The following LPP variants were observed in gnomAD, a reference collection of about 807,000 sequenced individuals.
The protein encoded by LPP is LIM domain containing preferred translocation partner in lipoma.
LPP carries 38 observed loss-of-function variants against 60.4 expected under a neutral mutation model. The observed-to-expected ratio is 0.63, with a 90% CI of 0.49 to 0.83. The LOEUF (loss-of-function observed/expected upper bound fraction) is 0.83, where lower values mean the gene tolerates loss of function less well. Ranked by LOEUF, LPP falls within the 40% of genes least tolerant of loss-of-function variation. The probability of loss-of-function intolerance (pLI) is 0.00; values close to 1 mark genes in which losing one functional copy is unlikely to be tolerated. For synonymous variants in LPP, 328 were observed against 290.8 expected (o/e 1.13, Z -1.30); for missense variants, 902 against 783.6 (o/e 1.15, Z -1.80).
chr3:188,622,487 T>C (rs1845982443), intron 7 of LPP, among the ~76,000 whole-genome samples: 1 of 152,196 alleles, frequency 6.6e-6, no homozygotes, highest in Admixed American at 6.5e-5. Context: ...ATTAGTTTCA[T>C]AGTAATTTCT....
At position 188,594,243 on chromosome 3, in the gene LPP, G is replaced by T. The variant is rs555465838; in HGVS notation, c.430-14918G>T. ...TTCAGCTGCCCATGTAAAGTATAAAGAATTATTTTTACCCAGAATCTTGAA... is the reference window on the plus strand; with the variant it reads ...TTCAGCTGCCCATGTAAAGTATAAATAATTATTTTTACCCAGAATCTTGAA... On this transcript the variant is annotated intron_variant, in intron 6 of 11. Coordinates refer to ENST00000617246, the MANE Select transcript of LPP (RefSeq NM_001375462.1). Among the ~76,000 whole-genome samples the T allele has an allele frequency of 5.9e-5, 9 of 152,238 alleles. No homozygotes were observed. The South Asian group carries it at 1.9e-3, about 32-fold the overall frequency.
chr3:188,800,394 T>C (rs1027525409), intron 9 of LPP, among the ~76,000 whole-genome samples: 33 of 151,882 alleles, frequency 2.2e-4, no homozygotes, highest in South Asian at 6.2e-4. Context: ...TACAGGTGTC[T>C]GCCACCACGC....
chr3:188,858,095 A>G (rs927852084), intron 9 of LPP, among the ~76,000 whole-genome samples: 1 of 152,168 alleles, frequency 6.6e-6, no homozygotes, highest in African/African-American at 2.4e-5. Context: ...AACCCAGATC[A>G]CCTTTTTCCT....
At chr3:188,367,325 TG>T (rs1221704877) in intron 3 of LPP, among the ~76,000 whole-genome samples, 2 of 151,748 alleles carry the variant, frequency 1.3e-5, no homozygotes, top group African/African-American at 4.8e-5. Context: ...CCTTATAGAG[TG>T]GGTTATGGCT....
intron 8 of LPP, among the ~76,000 whole-genome samples, chr3:188,731,923 C>G (rs1294456566): frequency 6.6e-6 from 1 of 151,874 alleles, no homozygotes; most frequent in African/African-American, 2.4e-5. Flanking sequence ...TTTTCATTTA[C>G]AGAGAAATGG....
intron 3 of LPP, among the ~76,000 whole-genome samples, chr3:188,351,147 C>T (rs998014003): frequency 5.9e-5 from 9 of 152,202 alleles, no homozygotes; most frequent in Non-Finnish European, 1.0e-4. Context: ...TCTGAGTTCC[C>T]TGTAGCTCCT....
intron 7 of LPP, among the ~76,000 whole-genome samples, chr3:188,687,253 C>T (rs933632695): frequency 2.6e-5 from 4 of 152,190 alleles, no homozygotes; most frequent in African/African-American, 4.8e-5. Context: ...CTCTCTCCCC[C>T]ACCCTGGTAT....
chr3:188,770,202 G>A (rs192356730), intron 9 of LPP, among the ~76,000 whole-genome samples: 14 of 132,172 alleles, frequency 1.1e-4, no homozygotes, highest in South Asian at 2.4e-4. Context: ...TTTCCGAGAC[G>A]GGGTCTTGCT....
chr3:188,862,128 G>A (rs999889147), intron 9 of LPP, among the ~76,000 whole-genome samples: 6 of 152,192 alleles, frequency 3.9e-5, no homozygotes, highest in African/African-American at 1.4e-4. Flanking sequence ...AATAGGAATA[G>A]GAAGTATAAG....
intron 4 of LPP, among the ~76,000 whole-genome samples, chr3:188,461,315 C>T (rs1446290113): frequency 6.6e-6 from 1 of 152,050 alleles, no homozygotes; most frequent in Non-Finnish European, 1.5e-5. Context: ...ATCTTACTTC[C>T]CATAGTCTTT....
intron 9 of LPP, among the ~76,000 whole-genome samples, chr3:188,778,188 G>A (rs1360199815): frequency 6.6e-6 from 1 of 152,102 alleles, no homozygotes; most frequent in Non-Finnish European, 1.5e-5. Flanking sequence ...GAACACCCAT[G>A]TTTTCAAAAT....
chr3:188,380,655 G>C (rs543422608), intron 3 of LPP, among the ~76,000 whole-genome samples: 1 of 152,288 alleles, frequency 6.6e-6, no homozygotes, highest in Admixed American at 6.5e-5. Context: ...AGATTACATG[G>C]TTCAAATGTT....
chr3:188,527,629 A>AT (rs1159494387), intron 6 of LPP, among the ~76,000 whole-genome samples: 3 of 151,962 alleles, frequency 2.0e-5, no homozygotes, highest in East Asian at 1.9e-4. Context: ...ATGTTCAGCA[A>AT]TTTTTTTTGA....
At chr3:188,620,561 A>G (rs974249408) in intron 7 of LPP, among the ~76,000 whole-genome samples, 13 of 152,186 alleles carry the variant, frequency 8.5e-5, no homozygotes, top group African/African-American at 1.4e-4. Flanking sequence ...ATTTTCATCA[A>G]TTGATGAACA....
chr3:188,236,673 C>T (rs1722038108), intron 2 of LPP, among the ~76,000 whole-genome samples: 1 of 152,222 alleles, frequency 6.6e-6, no homozygotes, highest in African/African-American at 2.4e-5. Context: ...ATACTGTAGT[C>T]TCTTAAGTGT....
chr3:188,154,829 C>G (rs1314902179), intron 1 of LPP, among the ~76,000 whole-genome samples: 1 of 152,192 alleles, frequency 6.6e-6, no homozygotes, highest in Non-Finnish European at 1.5e-5. Flanking sequence ...GGAGTCAAAC[C>G]TGGCCTAGGG....
intron 2 of LPP, among the ~76,000 whole-genome samples, chr3:188,228,790 G>A (rs533486619): frequency 6.6e-6 from 1 of 152,022 alleles, no homozygotes; most frequent in Non-Finnish European, 1.5e-5. Flanking sequence ...TTATTTTTTT[G>A]ATCTGAGAAT....
intron 5 of LPP, among the ~76,000 whole-genome samples, chr3:188,515,409 T>C (rs958469109): frequency 6.6e-6 from 1 of 152,356 alleles, no homozygotes; most frequent in African/African-American, 2.4e-5. Flanking sequence ...GCTTCTTATA[T>C]AGCCTGCATA....
chr3:188,509,953 G>A (rs1304182309), intron 5 of LPP, among the ~76,000 whole-genome samples: 1 of 131,824 alleles, frequency 7.6e-6, no homozygotes, highest in African/African-American at 2.8e-5. Flanking sequence ...TTCTGACCTT[G>A]TGATCCGCCT....
Sources: gnomAD v4.1 joint callset for allele counts (sites outside exome capture counted in the v4.1 genomes callset) on GRCh38, gnomAD v4.1.1 for gene constraint, MANE v1.5 for transcripts, NCBI Gene and HGNC (gene_info 2026-07-23, HGNC 2026-07-21) for gene names.